The following KCNH5 variants were observed in gnomAD, a reference collection of about 807,000 sequenced individuals.
The protein encoded by KCNH5 is voltage-gated delayed rectifier potassium channel KCNH5.
KCNH5 carries 46 observed loss-of-function variants against 96.1 expected under a neutral mutation model. The ratio of observed to expected loss-of-function variants is 0.48; its 90% CI spans 0.38 to 0.61. KCNH5 has a LOEUF of 0.61. Among genes scored for constraint, KCNH5 ranks in the 20% least tolerant of loss-of-function variants. KCNH5 has a pLI of 0.00. For synonymous variants in KCNH5, 439 were observed against 449.8 expected (o/e 0.98, Z 0.30); for missense variants, 907 against 1,225.8 (o/e 0.74, Z 3.88).
intron 9 of KCNH5, among the ~76,000 whole-genome samples, chr14:62,796,398 AT>A (rs1252623387): frequency 6.6e-6 from 1 of 152,172 alleles, no homozygotes; most frequent in Non-Finnish European, 1.5e-5. Flanking sequence ...AGTTGATTTA[AT>A]TATGTTATTC....
intron 4 of KCNH5, among the ~76,000 whole-genome samples, chr14:62,990,024 A>G (rs184717576): frequency 2.1e-4 from 32 of 152,122 alleles, no homozygotes; most frequent in Middle Eastern, 3.4e-3. Context: ...GAAGGCTCAG[A>G]TTTCTAAAAC....
rs1435473955 is a variant in KCNH5, at chr14:62,706,756, A to ATT, written c.*750_*751dup. On this transcript the variant is annotated 3_prime_UTR_variant, in exon 11 of 11. Transcript: ENST00000322893. ...ACATACTCTATATTAATAGTTTAGTATTTATGATGTTGATAATGTCAGCTT... is the reference window on the plus strand; with the variant it reads ...ACATACTCTATATTAATAGTTTAGTATTTTTATGATGTTGATAATGTCAGCTT... 6.6e-6 allele frequency: 1 copy of ATT among 152,146 alleles called. No individual in the cohort carries two copies. Among genetic ancestry groups the ATT allele is most frequent in the Non-Finnish European group, 1.5e-5 (1 of 67,994 alleles). 9.4% of individuals were successfully genotyped at this position (152,146 alleles called of 1,614,324 possible).
At chr14:62,893,422 T>C (rs987844192) in intron 7 of KCNH5, among the ~76,000 whole-genome samples, 1 of 152,232 alleles carries the variant, frequency 6.6e-6, no homozygotes, top group Admixed American at 6.5e-5. Flanking sequence ...CTGGTGAAGA[T>C]ACTATGAACA....
At chr14:62,840,695 G>A (rs1232804967) in intron 8 of KCNH5, among the ~76,000 whole-genome samples, 3 of 146,122 alleles carry the variant, frequency 2.1e-5, no homozygotes, top group African/African-American at 7.6e-5. Flanking sequence ...CTCAGCCTCC[G>A]AAGTAGCTGG....
At chr14:62,797,722 T>A (rs544756716) in intron 9 of KCNH5, among the ~76,000 whole-genome samples, 1 of 151,770 alleles carries the variant, frequency 6.6e-6, no homozygotes, top group Non-Finnish European at 1.5e-5. Flanking sequence ...GTTTATAATT[T>A]TTTTTTTTTT....
intron 10 of KCNH5, among the ~76,000 whole-genome samples, chr14:62,776,907 G>A (rs1476879826): frequency 1.3e-5 from 2 of 152,168 alleles, no homozygotes; most frequent in Admixed American, 6.5e-5. Context: ...TCTCCACTGA[G>A]CCACTGGATA....
chr14:62,846,013 C>A (rs1046936221), intron 8 of KCNH5, among the ~76,000 whole-genome samples: 2 of 152,138 alleles, frequency 1.3e-5, no homozygotes, highest in African/African-American at 4.8e-5. Context: ...AAATTGCTTT[C>A]AAGAAATGTG....
At chr14:62,910,028 C>G (rs1405698805) in intron 7 of KCNH5, among the ~76,000 whole-genome samples, 1 of 151,828 alleles carries the variant, frequency 6.6e-6, no homozygotes, top group African/African-American at 2.4e-5. Flanking sequence ...ACTCAAGTGC[C>G]TAGAATGGTA....
Position 63,001,325 on chromosome 14 carries a change from A to G in KCNH5, c.433+6T>C. On this transcript the variant is annotated splice_donor_region_variant and intron_variant, in intron 4 of 10. Transcript: ENST00000322893. The stretch of plus-strand genomic sequence containing the variant: ...TTTTCAGTGTAGTAATTCTTTTGAA[A>G]ATTACCTTTTGTTGAATCATCCTCT... 6.3e-7 allele frequency: 1 copy of G among 1,594,852 alleles called. No homozygotes were observed. Among genetic ancestry groups the G allele is most frequent in the Non-Finnish European group, 8.5e-7 (1 of 1,171,884 alleles).
intron 6 of KCNH5, among the ~76,000 whole-genome samples, chr14:62,966,079 G>A (rs1020860153): frequency 6.6e-6 from 1 of 152,162 alleles, no homozygotes; most frequent in Non-Finnish European, 1.5e-5. Flanking sequence ...ACAACTCAGT[G>A]TAATCCTGTG....
intron 10 of KCNH5, among the ~76,000 whole-genome samples, chr14:62,725,568 A>G (rs1345379207): frequency 1.3e-5 from 2 of 152,156 alleles, no homozygotes; most frequent in Non-Finnish European, 2.9e-5. Flanking sequence ...CAGTCAATTG[A>G]TGATATCAGA....
At chr14:62,799,691 T>TTATA (rs71410693) in intron 9 of KCNH5, among the ~76,000 whole-genome samples, 2,632 of 57,806 alleles carry the variant, frequency 0.046, 90 homozygotes, top group East Asian at 0.088. Context: ...GTATATACCT[T>TTATA]TATATATATA....
At chr14:62,955,651 T>A (rs939117738) in intron 6 of KCNH5, among the ~76,000 whole-genome samples, 1 of 152,158 alleles carries the variant, frequency 6.6e-6, no homozygotes, top group Non-Finnish European at 1.5e-5. Flanking sequence ...CCTGCAATAT[T>A]GGCTTAAACA....
In KCNH5 at chr14:62,775,354, A is replaced by T. The variant is rs559669698; in HGVS notation, c.2019+4374T>A. Among the ~76,000 whole-genome samples, 4 of 152,332 alleles carry T rather than the reference A, an allele frequency of 2.6e-5. No homozygotes were observed. The East Asian group carries it at 7.7e-4, about 29-fold the overall frequency. ...GAGCTGTTGAACCAATAGCAAGCAA[A>T]CTTATTTTGTTTGACCACAGAATTT... On this transcript the variant is annotated intron_variant, in intron 10 of 10. Transcript: ENST00000322893.
intron 10 of KCNH5, among the ~76,000 whole-genome samples, chr14:62,772,393 C>G (rs1434203442): frequency 6.6e-6 from 1 of 152,060 alleles, no homozygotes; most frequent in Non-Finnish European, 1.5e-5. Context: ...AATCCCAGTA[C>G]TTCAAGAAGC....
intron 2 of KCNH5, among the ~76,000 whole-genome samples, chr14:63,006,805 C>T (rs1484315797): frequency 6.6e-6 from 1 of 152,146 alleles, no homozygotes; most frequent in Non-Finnish European, 1.5e-5. Flanking sequence ...AACAGATGCA[C>T]CTTCACAACC....
chr14:62,923,270 T>C lies in KCNH5; in HGVS notation c.1369+26863A>G, dbSNP rs141546565. ...TTAGTAATAAATTTAACTATGGAAGTGAAAAATCTGTACACTGTAAACTAT... is the reference window on the plus strand; with the variant it reads ...TTAGTAATAAATTTAACTATGGAAGCGAAAAATCTGTACACTGTAAACTAT... On this transcript the variant is annotated intron_variant, in intron 7 of 10. Coordinates refer to ENST00000322893, the MANE Select transcript of KCNH5 (RefSeq NM_139318.5). Among the ~76,000 whole-genome samples, 9 of 151,954 alleles carry C rather than the reference T, an allele frequency of 5.9e-5. No homozygotes were observed. In the East Asian group the frequency reaches 1.7e-3, roughly 29 times the overall value.
intron 6 of KCNH5, among the ~76,000 whole-genome samples, chr14:62,952,161 A>G (rs746514267): frequency 6.6e-6 from 1 of 152,160 alleles, no homozygotes; most frequent in Non-Finnish European, 1.5e-5. Context: ...CTCAACTTCA[A>G]TTTCCTTAGG....
intron 8 of KCNH5, among the ~76,000 whole-genome samples, chr14:62,835,473 C>T (rs893039120): frequency 2.0e-5 from 3 of 151,940 alleles, no homozygotes; most frequent in Non-Finnish European, 4.4e-5. Context: ...AAATTCATTG[C>T]TCCTCCATGA....
Sources: gnomAD v4.1 joint callset for allele counts (sites outside exome capture counted in the v4.1 genomes callset) on GRCh38, gnomAD v4.1.1 for gene constraint, MANE v1.5 for transcripts, NCBI Gene and HGNC (gene_info 2026-07-23, HGNC 2026-07-21) for gene names.